The following ABCA1 variants were observed in gnomAD, a reference collection of about 807,000 sequenced individuals.
The protein encoded by ABCA1 is phospholipid-transporting ATPase ABCA1.
A neutral mutation model predicts 262.5 loss-of-function variants in ABCA1; 133 were observed. The observed-to-expected ratio is 0.51, with a 90% CI of 0.44 to 0.59. The LOEUF is 0.59. ABCA1 is among the 20% of genes least tolerant of loss of function. The pLI is 0.00. For missense variants in ABCA1, 2,452 were observed against 2,777.5 expected (o/e 0.88, Z 2.63); for synonymous variants, 1,022 against 1,043.5 (o/e 0.98, Z 0.40).
chr9:104,821,232 A>T, intron 20 of ABCA1, 143 bp downstream of exon 20: 20 of 1,067,458 alleles, frequency 1.9e-5, no homozygotes, highest in Admixed American at 2.7e-5. Flanking sequence ...ACAGAGCGAG[A>T]CTCCATCTCA....
At chr9:104,816,412 T>C (rs910590236) in intron 24 of ABCA1, 67 bp from the exon 25 acceptor site, 2 of 1,461,986 alleles carry the variant, frequency 1.4e-6, no homozygotes, top group Non-Finnish European at 9.6e-7. Flanking sequence ...GGGCTGGCCA[T>C]CCCCCACCCT....
intron 8 of ABCA1, among the ~76,000 whole-genome samples, chr9:104,844,662 A>G (rs1834701894): frequency 6.6e-6 from 1 of 152,254 alleles, no homozygotes; most frequent in African/African-American, 2.4e-5. Flanking sequence ...AGAAGCAGCT[A>G]AAAATAAGGG....
In ABCA1 at chr9:104,883,482, G is replaced by A. The variant is rs1195263363; in HGVS notation, c.303-325C>T. ...AGGGCCAACTTATCCATGAACCACA[G>A]TAGGCTCAGTGGCCTGGGCCTGGGA... On this transcript the variant is annotated intron_variant, in intron 4 of 49. Transcript: ENST00000374736. 2.6e-5 allele frequency among the ~76,000 whole-genome samples: 4 copies of A among 152,292 alleles called. No homozygotes were observed. In the East Asian group the frequency reaches 7.7e-4, roughly 29 times the overall value.
intron 8 of ABCA1, among the ~76,000 whole-genome samples, chr9:104,841,927 T>C (rs1354643887): frequency 6.6e-6 from 1 of 152,250 alleles, no homozygotes; most frequent in Non-Finnish European, 1.5e-5. Flanking sequence ...AAATCATTAA[T>C]AAATCCCTGT....
intron 10 of ABCA1, 149 bp from the exon 11 acceptor site, chr9:104,837,245 T>C: frequency 9.4e-7 from 1 of 1,059,386 alleles, no homozygotes; most frequent in South Asian, 1.4e-5. Context: ...GTAACTATGA[T>C]TCTATACCCA....
chr9:104,873,960 A>G (rs1186733517), intron 5 of ABCA1, among the ~76,000 whole-genome samples: 2 of 152,180 alleles, frequency 1.3e-5, no homozygotes, highest in Non-Finnish European at 2.9e-5. Context: ...ACACGAAGGT[A>G]TATTTCCCAG....
chr9:104,861,373 TTTTAAG>T (rs767618304), intron 6 of ABCA1: 36 of 556,570 alleles, frequency 6.5e-5, no homozygotes, highest in Non-Finnish European at 1.1e-4. Flanking sequence ...TGTGAATATT[TTTTAAG>T]TTTAACTCAA....
chr9:104,861,572 T>C, intron 6 of ABCA1, 107 bp downstream of exon 6: 1 of 1,468,068 alleles, frequency 6.8e-7, no homozygotes, highest in Admixed American at 1.7e-5. Flanking sequence ...ACTACCTCCC[T>C]CCCCTTCACC....
intron 1 of ABCA1, chr9:104,927,429 C>G (rs2472373): frequency 0.16 from 24,061 of 152,148 alleles, 2,310 homozygotes; most frequent in South Asian, 0.34. Flanking sequence ...GCTCCAGTCC[C>G]GGGGAGCATA....
Position 104,785,571 on chromosome 9 carries a change from T to A in ABCA1, c.6470A>T (p.Asp2157Val). ...TCCAGGAAATGCAAGTCCAAAGAAA[T>A]CCTGGACAGGCTTCAGGTCCGGGTT... is the stretch of plus-strand genomic sequence containing the variant. ...GSNPDLKPVQ[D>V]FFGLAFPGSV... Residue 2157 changes from aspartate to valine, a missense_variant, in exon 49 of 50, where the codon GAT becomes GTT. Physicochemically the swap from Asp to Val is radical, Grantham distance 152. Coordinates refer to ENST00000374736, the MANE Select transcript of ABCA1 (RefSeq NM_005502.4). 1 of 1,613,694 alleles carries A rather than the reference T, an allele frequency of 6.2e-7. No individual in the cohort carries two copies. Among genetic ancestry groups the A allele is most frequent in the Non-Finnish European group, 8.5e-7 (1 of 1,179,708 alleles).
chr9:104,909,112 C>T (rs1001009352), intron 1 of ABCA1, among the ~76,000 whole-genome samples: 5 of 152,164 alleles, frequency 3.3e-5, no homozygotes, highest in African/African-American at 1.2e-4. Context: ...ATTGTGTGAT[C>T]GCCTTGGAAG....
intron 41 of ABCA1, 111 bp from the exon 42 acceptor site, chr9:104,793,017 A>T: frequency 6.3e-7 from 1 of 1,592,484 alleles, no homozygotes; most frequent in Non-Finnish European, 8.6e-7. Context: ...CAGGATGGGC[A>T]GGGAGGGGGC....
At chr9:104,844,410 A>T in intron 8 of ABCA1, among the ~76,000 whole-genome samples, 1 of 152,068 alleles carries the variant, frequency 6.6e-6, no homozygotes, top group Non-Finnish European at 1.5e-5. Flanking sequence ...TCAGTCAGAA[A>T]CACGTGAGCA....
chr9:104,903,532 C>A, intron 2 of ABCA1, 82 bp downstream of exon 2: 1 of 1,338,454 alleles, frequency 7.5e-7, no homozygotes, highest in South Asian at 1.3e-5. Flanking sequence ...GCTTCCTTCC[C>A]TCCCTCCCTC....
chr9:104,786,826 A>C (rs770876539), intron 47 of ABCA1, 47 bp downstream of exon 47: 1 of 1,498,624 alleles, frequency 6.7e-7, no homozygotes, highest in Non-Finnish European at 9.3e-7. Flanking sequence ...TTCTACTTGG[A>C]AAGTTAAAAC....
intron 6 of ABCA1, among the ~76,000 whole-genome samples, chr9:104,860,884 G>A (rs888546375): frequency 1.3e-5 from 2 of 151,304 alleles, no homozygotes; most frequent in African/African-American, 4.9e-5. Flanking sequence ...AGCCTCACGA[G>A]TAGCTGGGAC....
At position 104,810,873 on chromosome 9, in the gene ABCA1, C is replaced by T. The variant is rs778275370; in HGVS notation, c.4102G>A (p.Val1368Met). 2.3e-5 allele frequency: 37 copies of T among 1,614,098 alleles called. No individual in the cohort carries two copies. Among genetic ancestry groups the T allele is most frequent in the Middle Eastern group, 1.6e-4 (1 of 6,082 alleles). Reference protein sequence around the residue: ...VCIALVFSLIVPPFGKYPSLE... With the variant: ...VCIALVFSLIMPPFGKYPSLE... ...CTGGGGTACTTGCCAAAGGGTGGCA[C>T]GATCAGGCTGAACACAAGGGCAATG... The change falls in exon 29 of 50, where the codon GTG (valine) becomes ATG (methionine). Residue 1368 changes from valine to methionine, a missense_variant. Physicochemically the swap from Val to Met is conservative, Grantham distance 21 (BLOSUM62 1). Coordinates refer to ENST00000374736, the MANE Select transcript of ABCA1 (RefSeq NM_005502.4).
At chr9:104,807,217 A>C (rs1830846806) in intron 30 of ABCA1, among the ~76,000 whole-genome samples, 1 of 152,150 alleles carries the variant, frequency 6.6e-6, no homozygotes. Context: ...GGCAAGATCC[A>C]ATTTATGTTC....
chr9:104,845,549 A>C lies in ABCA1; in HGVS notation c.741T>G (p.Ser247=). Reference sequence around the variant, plus strand: ...CAGCCAGCTCCTTGCTCGGGAAGGGAGATGTAGAGTTTAGTGTTCTCTGTA... The same window carrying C: ...CAGCCAGCTCCTTGCTCGGGAAGGGCGATGTAGAGTTTAGTGTTCTCTGTA... ...KPILRTLNST[S]PFPSKELAEA... The change falls in exon 8 of 50, where the codon TCT becomes TCG. Residue 247 remains serine (S), a synonymous_variant. Coordinates refer to ENST00000374736, the MANE Select transcript of ABCA1 (RefSeq NM_005502.4). The C allele has an allele frequency of 6.2e-7, 1 of 1,613,636 alleles. No individual in the cohort carries two copies. The highest frequency in any genetic ancestry group is 8.5e-7 in the Non-Finnish European group (1 of 1,179,572).
Sources: gnomAD v4.1 joint callset for allele counts (sites outside exome capture counted in the v4.1 genomes callset) on GRCh38, gnomAD v4.1.1 for gene constraint, MANE v1.5 for transcripts, NCBI Gene and HGNC (gene_info 2026-07-23, HGNC 2026-07-21) for gene names.